The following SETBP1 variants were observed in gnomAD, a reference collection of about 807,000 sequenced individuals.
SETBP1 encodes SET binding protein 1, also known as SET-binding protein.
SETBP1 carries 9 observed loss-of-function variants against 101.0 expected under a neutral mutation model. The observed-to-expected ratio is 0.09, with a 90% CI of 0.05 to 0.16. The LOEUF is 0.16. Ranked by LOEUF, SETBP1 falls within the 10% of genes least tolerant of loss-of-function variation. The pLI is 1.00. For missense variants in SETBP1, 1,858 were observed against 2,033.8 expected, an observed-to-expected ratio of 0.91 and a Z score of 1.66; for synonymous variants, 818 against 788.5, an observed-to-expected ratio of 1.04 and a Z score of -0.63.
chr18:44,873,332 T>C (rs556516235), intron 3 of SETBP1, among the ~76,000 whole-genome samples: 11 of 152,230 alleles, frequency 7.2e-5, no homozygotes, highest in Non-Finnish European at 1.3e-4. Context: ...AGCAAAGGAG[T>C]TGTGCAGCTT....
At chr18:44,862,793 G>A (rs2069043521) in intron 2 of SETBP1, among the ~76,000 whole-genome samples, 1 of 152,198 alleles carries the variant, frequency 6.6e-6, no homozygotes, top group Admixed American at 6.5e-5. Context: ...ATTTTCAGGG[G>A]ACAGAGGAGA....
At chr18:44,757,163 G>A (rs754415601) in intron 2 of SETBP1, among the ~76,000 whole-genome samples, 5 of 152,044 alleles carry the variant, frequency 3.3e-5, no homozygotes, top group Non-Finnish European at 7.4e-5. Flanking sequence ...GTGATTTAGG[G>A]CAGTGGGGAA....
intron 2 of SETBP1, among the ~76,000 whole-genome samples, chr18:44,768,041 G>A (rs1033831889): frequency 1.3e-5 from 2 of 152,178 alleles, no homozygotes; most frequent in African/African-American, 4.8e-5. Flanking sequence ...GTAATAGACT[G>A]AGCTCCTTGG....
chr18:45,049,047 G>T (rs752849056), intron 5 of SETBP1, among the ~76,000 whole-genome samples: 1 of 148,614 alleles, frequency 6.7e-6, no homozygotes, highest in African/African-American at 2.5e-5. Flanking sequence ...TTAACACTAC[G>T]TGGGAAGGCC....
Position 44,846,336 on chromosome 18 carries a change from T to C in SETBP1, c.487-22894T>C, listed in dbSNP as rs143842392. Among the ~76,000 whole-genome samples the C allele has an allele frequency of 4.1e-4, 63 of 152,368 alleles. 1 individual carries two copies. The East Asian group carries it at 0.011, about 27-fold the overall frequency. On this transcript the variant is annotated intron_variant, in intron 2 of 5. Coordinates refer to ENST00000649279, the MANE Select transcript of SETBP1 (RefSeq NM_015559.3). ...GTGCAATTCAGTGGTTTTTGGTGTA[T>C]TACAAAGTTGTGCAACCATCTCCAC... is the stretch of plus-strand genomic sequence containing the variant.
At position 45,063,075 on chromosome 18, in the gene SETBP1, G is replaced by T. The variant is rs1177160928; in HGVS notation, c.4172-4G>T. 2 of 1,613,680 alleles carry T rather than the reference G, an allele frequency of 1.2e-6. No homozygotes were observed. Among genetic ancestry groups the T allele is most frequent in the South Asian group, 1.1e-5 (1 of 91,046 alleles). Reference sequence around the variant, plus strand: ...TCAATTTCTTATCTCTTCCCCTCCCGCAGTCGGCTCCTCCCTGAAGAAGAG... The same window carrying T: ...TCAATTTCTTATCTCTTCCCCTCCCTCAGTCGGCTCCTCCCTGAAGAAGAG... On this transcript the variant is annotated splice_region_variant and splice_polypyrimidine_tract_variant and intron_variant, in intron 5 of 5. Transcript: ENST00000649279.
chr18:44,743,482 C>G (rs1197911756), intron 2 of SETBP1, among the ~76,000 whole-genome samples: 1 of 152,148 alleles, frequency 6.6e-6, no homozygotes, highest in East Asian at 1.9e-4. Context: ...CCCCCAACCC[C>G]CAACCTACAA....
At chr18:44,794,226 C>T (rs966480670) in intron 2 of SETBP1, among the ~76,000 whole-genome samples, 13 of 152,138 alleles carry the variant, frequency 8.5e-5, no homozygotes, top group African/African-American at 1.4e-4. Context: ...AGCCATTGTA[C>T]GGCATTTTGT....
At chr18:44,852,720 T>C (rs1020125388) in intron 2 of SETBP1, among the ~76,000 whole-genome samples, 5 of 152,160 alleles carry the variant, frequency 3.3e-5, no homozygotes, top group Admixed American at 6.5e-5. Flanking sequence ...TTTTCCTGGG[T>C]GCCTTTGATA....
At chr18:44,902,386 T>C (rs933147023) in intron 3 of SETBP1, among the ~76,000 whole-genome samples, 1 of 149,428 alleles carries the variant, frequency 6.7e-6, no homozygotes, top group Non-Finnish European at 1.5e-5. Context: ...ATGTACCTTT[T>C]AATAAGAGTA....
intron 2 of SETBP1, among the ~76,000 whole-genome samples, chr18:44,814,706 G>A (rs577021830): frequency 8.5e-5 from 13 of 152,308 alleles, no homozygotes; most frequent in Admixed American, 2.6e-4. Flanking sequence ...CAGGCTGGCC[G>A]CACTCTGAGC....
At chr18:44,742,198 G>A (rs1193410536) in intron 2 of SETBP1, among the ~76,000 whole-genome samples, 1 of 152,184 alleles carries the variant, frequency 6.6e-6, no homozygotes, top group East Asian at 1.9e-4. Context: ...CATTAAATAG[G>A]TAAACTGAAG....
intron 3 of SETBP1, among the ~76,000 whole-genome samples, chr18:44,922,917 GAGA>G (rs2070614724): frequency 1.3e-5 from 2 of 152,202 alleles, no homozygotes; most frequent in Non-Finnish European, 2.9e-5. Context: ...TCCAAGGGAT[GAGA>G]AGAAGAGTGT....
intron 4 of SETBP1, among the ~76,000 whole-genome samples, chr18:45,026,446 G>A (rs79928826): frequency 1.1e-4 from 17 of 152,284 alleles, no homozygotes; most frequent in East Asian, 9.6e-4. Context: ...TACCCAGGAA[G>A]GACTGGACTA....
intron 3 of SETBP1, among the ~76,000 whole-genome samples, chr18:44,946,130 T>C (rs1479969568): frequency 6.6e-6 from 1 of 152,238 alleles, no homozygotes; most frequent in Non-Finnish European, 1.5e-5. Context: ...GGGTCCTCCC[T>C]GCCCCTTCTC....
rs2144736281 is a variant in SETBP1, at chr18:44,792,664, C to T, written c.487-76566C>T. On this transcript the variant is annotated intron_variant, in intron 2 of 5. Coordinates refer to ENST00000649279, the MANE Select transcript of SETBP1 (RefSeq NM_015559.3). The stretch of plus-strand genomic sequence containing the variant: ...GGCCACTTCCACCTCTCCTCTGCCT[C>T]CCCTCCATGCACACCACACAGACAA... Among the ~76,000 whole-genome samples the T allele has an allele frequency of 2.0e-5, 3 of 152,324 alleles. 1 individual carries two copies. Among genetic ancestry groups the T allele is most frequent in the Middle Eastern group, 6.8e-3 (2 of 294 alleles).
chr18:44,736,579 T>C (rs1300820324), intron 2 of SETBP1, among the ~76,000 whole-genome samples: 8 of 152,212 alleles, frequency 5.3e-5, no homozygotes, highest in Non-Finnish European at 1.0e-4. Flanking sequence ...ACATGGTTGG[T>C]AATGTAGATT....
rs137986929 is a variant in SETBP1, at chr18:44,724,994, T to C, written c.486+23162T>C. Among the ~76,000 whole-genome samples the C allele has an allele frequency of 5.3e-3, 801 of 152,288 alleles. 20 individuals are homozygous for C. Among genetic ancestry groups the C allele is most frequent in the Admixed American group, 0.045 (682 of 15,296 alleles). On this transcript the variant is annotated intron_variant, in intron 2 of 5. Transcript: ENST00000649279. ...GCTGTATGAATGTGCCCTCCTTCCTTGCTTCCTAATTTGGGATGCACAGCA... is the reference window on the plus strand; with the variant it reads ...GCTGTATGAATGTGCCCTCCTTCCTCGCTTCCTAATTTGGGATGCACAGCA...
chr18:44,773,883 CT>C (rs2070936357), intron 2 of SETBP1, among the ~76,000 whole-genome samples: 1 of 33,436 alleles, frequency 3.0e-5, no homozygotes, highest in African/African-American at 8.9e-5. Context: ...TTTCTTCCCC[CT>C]CTCTGACTGT....
Sources: gnomAD v4.1 joint callset for allele counts (sites outside exome capture counted in the v4.1 genomes callset) on GRCh38, gnomAD v4.1.1 for gene constraint, MANE v1.5 for transcripts, NCBI Gene and HGNC (gene_info 2026-07-23, HGNC 2026-07-21) for gene names.